Variants in GALNT13 observed in about 807,000 individuals in gnomAD.
GALNT13 encodes UDP-GalNAc:polypeptide N-acetylgalactosaminyltransferase 13.
A neutral mutation model predicts 64.2 loss-of-function variants in GALNT13; 28 were observed. That is an observed-to-expected ratio of 0.44 (90% CI 0.32 to 0.60). The LOEUF is 0.60. Among genes scored for constraint, GALNT13 ranks in the 20% least tolerant of loss-of-function variants. GALNT13 has a pLI of 0.05. For missense variants in GALNT13, 577 were observed against 669.8 expected (o/e 0.86, Z 1.53); for synonymous variants, 214 against 224.6 (o/e 0.95, Z 0.42).
chr2:153,766,901 A>T, the GALNT13 span, among the ~76,000 whole-genome samples: 1 of 151,966 alleles, frequency 6.6e-6, no homozygotes, highest in South Asian at 2.1e-4. Flanking sequence ...GAGTTTTCTT[A>T]TTTCTTTTCA....
chr2:153,134,254 T>C, the GALNT13 span, among the ~76,000 whole-genome samples: 1 of 152,192 alleles, frequency 6.6e-6, no homozygotes, highest in Non-Finnish European at 1.5e-5. Flanking sequence ...TGTTAAAGCA[T>C]AAATGAAGTG....
At chr2:154,163,177 C>G (rs1422423308) in intron 4 of GALNT13, among the ~76,000 whole-genome samples, 2 of 134,834 alleles carry the variant, frequency 1.5e-5, no homozygotes. Flanking sequence ...GTTCCCCTTC[C>G]TGGGTCCATG....
the GALNT13 span, among the ~76,000 whole-genome samples, chr2:153,700,493 G>T: frequency 6.6e-6 from 1 of 152,196 alleles, no homozygotes; most frequent in South Asian, 2.1e-4. Context: ...TCTGGCCAAG[G>T]CAATCAAGCA....
At chr2:153,162,963 G>T in the GALNT13 span, among the ~76,000 whole-genome samples, 1 of 152,148 alleles carries the variant, frequency 6.6e-6, no homozygotes, top group African/African-American at 2.4e-5. Context: ...CTCTCAAGTC[G>T]ATTGAAAGTT....
chr2:153,360,827 T>A, the GALNT13 span, among the ~76,000 whole-genome samples: 1 of 152,114 alleles, frequency 6.6e-6, no homozygotes, highest in South Asian at 2.1e-4. Flanking sequence ...CCCAGATGAG[T>A]GGGATTCCCC....
intron 6 of GALNT13, among the ~76,000 whole-genome samples, chr2:154,245,567 G>A (rs893679266): frequency 1.3e-5 from 2 of 152,082 alleles, no homozygotes; most frequent in African/African-American, 2.4e-5. Context: ...ATCTTGCTAA[G>A]TTAGTACTTA....
At chr2:154,411,049 G>A (rs1482416808) in intron 11 of GALNT13, among the ~76,000 whole-genome samples, 1 of 151,764 alleles carries the variant, frequency 6.6e-6, no homozygotes. Context: ...ACGAATACTA[G>A]GCAAGTAAAT....
At chr2:153,260,928 A>G in the GALNT13 span, among the ~76,000 whole-genome samples, 3 of 152,050 alleles carry the variant, frequency 2.0e-5, no homozygotes, top group African/African-American at 7.2e-5. Context: ...GTATTTTCAA[A>G]TAGCCTGTCT....
intron 3 of GALNT13, among the ~76,000 whole-genome samples, chr2:153,989,992 T>C (rs751881411): frequency 6.6e-5 from 10 of 152,060 alleles, no homozygotes; most frequent in Non-Finnish European, 1.0e-4. Flanking sequence ...TTGGTTGAAA[T>C]AGAACAACAT....
At chr2:153,741,214 T>C in the GALNT13 span, among the ~76,000 whole-genome samples, 1 of 152,136 alleles carries the variant, frequency 6.6e-6, no homozygotes, top group East Asian at 1.9e-4. Context: ...TATTTCAATC[T>C]ATTTATTTAT....
chr2:154,333,297 AATAC>A (rs1165104645), intron 9 of GALNT13, among the ~76,000 whole-genome samples: 1 of 152,084 alleles, frequency 6.6e-6, no homozygotes, highest in Non-Finnish European at 1.5e-5. Flanking sequence ...ATATGTAAAA[AATAC>A]ATAAATGTTT....
intron 3 of GALNT13, among the ~76,000 whole-genome samples, chr2:154,090,618 C>T (rs549337176): frequency 1.3e-5 from 2 of 152,076 alleles, no homozygotes; most frequent in Non-Finnish European, 2.9e-5. Context: ...GTCTCAGGAA[C>T]CTGTTCCATA....
chr2:153,841,560 A>G, the GALNT13 span, among the ~76,000 whole-genome samples: 3 of 152,152 alleles, frequency 2.0e-5, no homozygotes, highest in African/African-American at 7.2e-5. Flanking sequence ...GAGATATTAC[A>G]TTCTTGTCAC....
the GALNT13 span, among the ~76,000 whole-genome samples, chr2:153,786,791 C>T: frequency 1.3e-5 from 2 of 152,150 alleles, no homozygotes; most frequent in African/African-American, 4.8e-5. Context: ...GGTACTACCC[C>T]TGCTACCCTC....
At position 154,144,198 on chromosome 2, in the gene GALNT13, G is replaced by A. The variant is rs1683433573; in HGVS notation, c.311+3693G>A. Among the ~76,000 whole-genome samples, 7 of 152,242 alleles carry A rather than the reference G, an allele frequency of 4.6e-5. No individual in the cohort carries two copies. The South Asian group carries it at 1.5e-3, about 32-fold the overall frequency. ...ATCCAAAATTCCTAGACAAGTCACA[G>A]TGTATGAGGTTTACCAGGGACATTT... On this transcript the variant is annotated intron_variant, in intron 4 of 12. Coordinates refer to ENST00000392825, the MANE Select transcript of GALNT13 (RefSeq NM_052917.4).
intron 11 of GALNT13, among the ~76,000 whole-genome samples, chr2:154,431,219 A>T (rs567667119): frequency 6.6e-6 from 1 of 152,170 alleles, no homozygotes; most frequent in African/African-American, 2.4e-5. Context: ...AATTCCTGAG[A>T]TCTTTGCAGA....
At chr2:154,330,386 G>A (rs1695102414) in intron 9 of GALNT13, among the ~76,000 whole-genome samples, 1 of 152,080 alleles carries the variant, frequency 6.6e-6, no homozygotes, top group African/African-American at 2.4e-5. Context: ...GCCAGGGAAC[G>A]AGAGAACCAC....
chr2:154,136,830 G>A (rs970710468), intron 3 of GALNT13, among the ~76,000 whole-genome samples: 1 of 151,802 alleles, frequency 6.6e-6, no homozygotes, highest in African/African-American at 2.4e-5. Flanking sequence ...CGCCAGCTTT[G>A]GTATTTGAAC....
the GALNT13 span, among the ~76,000 whole-genome samples, chr2:153,156,059 G>A: frequency 8.5e-5 from 13 of 152,056 alleles, no homozygotes; most frequent in Admixed American, 8.5e-4. Context: ...GAATTCCTTA[G>A]TATTGATTTC....
Sources: allele counts gnomAD v4.1 joint callset (sites outside exome capture counted in the v4.1 genomes callset), GRCh38; gene constraint gnomAD v4.1.1; transcripts MANE v1.5; gene names NCBI Gene and HGNC (gene_info 2026-07-23, HGNC 2026-07-21).